LRRC4C: variants seen among roughly 807,000 people sequenced by gnomAD.
LRRC4C encodes the protein leucine-rich repeat-containing protein 4C.
In LRRC4C, 5 loss-of-function variants were observed where a neutral mutation model predicts 33.6. The observed-to-expected ratio is 0.15, with a 90% confidence interval of 0.08 to 0.31. LRRC4C has a LOEUF of 0.31. Ranked by LOEUF, LRRC4C falls within the 10% of genes least tolerant of loss-of-function variation. The pLI is 1.00. For missense variants in LRRC4C, 560 were observed against 796.7 expected, an observed-to-expected ratio of 0.70 and a Z score of 3.58; for synonymous variants, 329 against 302.0, an observed-to-expected ratio of 1.09 and a Z score of -0.93.
chr11:40,306,746 C>T (rs183871556), intron 4 of LRRC4C, among the ~76,000 whole-genome samples: 313 of 152,320 alleles, frequency 2.1e-3, no homozygotes, highest in African/African-American at 6.7e-3. Context: ...ATGATTGCCA[C>T]GCCCACGTTC....
Position 40,656,160 on chromosome 11 carries a change from T to C in LRRC4C, c.-406-7882A>G, listed in dbSNP as rs535964031. On this transcript the variant is annotated intron_variant, in intron 2 of 6. Coordinates refer to ENST00000528697, the MANE Select transcript of LRRC4C (RefSeq NM_001258419.2). The stretch of plus-strand genomic sequence containing the variant: ...TAGCAGTTTATAGTCCAGAATCTTT[T>C]AGACCCACATCCTTATGACTGCTAA... 3.3e-5 allele frequency among the ~76,000 whole-genome samples: 5 copies of C among 152,108 alleles called. No homozygotes were observed. In the East Asian group the frequency reaches 5.8e-4, roughly 18 times the overall value.
intron 1 of LRRC4C, among the ~76,000 whole-genome samples, chr11:41,182,783 C>T (rs115921835): frequency 4.0e-5 from 6 of 150,376 alleles, no homozygotes; most frequent in Admixed American, 3.3e-4. Context: ...GATGTATTTA[C>T]ATATTATTAC....
At chr11:40,345,031 A>G (rs764230776) in intron 3 of LRRC4C, among the ~76,000 whole-genome samples, 1 of 152,166 alleles carries the variant, frequency 6.6e-6, no homozygotes, top group African/African-American at 2.4e-5. Flanking sequence ...AAAACATTAC[A>G]TGCTCATAGG....
chr11:40,124,029 T>C, intron 6 of LRRC4C, among the ~76,000 whole-genome samples: 1 of 152,230 alleles, frequency 6.6e-6, no homozygotes, highest in Non-Finnish European at 1.5e-5. Flanking sequence ...GAAAACTGTA[T>C]GTCTATATGC....
At chr11:40,336,849 C>A (rs962710949) in intron 3 of LRRC4C, among the ~76,000 whole-genome samples, 9 of 150,426 alleles carry the variant, frequency 6.0e-5, no homozygotes, top group Admixed American at 5.3e-4. Flanking sequence ...TGGCGGGGGG[C>A]GCCTGTAGTC....
intron 3 of LRRC4C, among the ~76,000 whole-genome samples, chr11:40,544,285 G>C (rs1163847207): frequency 3.3e-5 from 5 of 152,064 alleles, no homozygotes; most frequent in Non-Finnish European, 5.9e-5. Context: ...ATACAGATGA[G>C]AGTAGATACT....
chr11:40,573,639 C>T (rs1285378306), intron 3 of LRRC4C, among the ~76,000 whole-genome samples: 1 of 152,128 alleles, frequency 6.6e-6, no homozygotes, highest in Non-Finnish European at 1.5e-5. Flanking sequence ...CAGTAAGTTC[C>T]ATAAACAATT....
intron 2 of LRRC4C, among the ~76,000 whole-genome samples, chr11:40,689,522 T>A (rs543506741): frequency 2.6e-5 from 4 of 152,244 alleles, no homozygotes; most frequent in African/African-American, 9.6e-5. Flanking sequence ...TTTATAACAA[T>A]CATGACTTAT....
intron 1 of LRRC4C, among the ~76,000 whole-genome samples, chr11:41,177,067 C>G (rs796665827): frequency 1.3e-5 from 2 of 152,084 alleles, no homozygotes; most frequent in Non-Finnish European, 2.9e-5. Flanking sequence ...CCAACTGATC[C>G]AGGACCTGAA....
chr11:41,197,749 A>T (rs1946241340), intron 1 of LRRC4C, among the ~76,000 whole-genome samples: 1 of 151,846 alleles, frequency 6.6e-6, no homozygotes, highest in East Asian at 1.9e-4. Flanking sequence ...TTCTCCTCAA[A>T]CTCCTTAAAA....
At chr11:41,176,066 T>C (rs1391192554) in intron 1 of LRRC4C, among the ~76,000 whole-genome samples, 1 of 152,188 alleles carries the variant, frequency 6.6e-6, no homozygotes, top group African/African-American at 2.4e-5. Context: ...ACTGTCCATC[T>C]TCGCCAACTA....
chr11:40,745,524 A>T (rs1427820490), intron 2 of LRRC4C, among the ~76,000 whole-genome samples: 2 of 152,220 alleles, frequency 1.3e-5, no homozygotes, highest in Non-Finnish European at 2.9e-5. Context: ...TAACGACTGA[A>T]TTAGCATAAA....
At chr11:40,734,604 A>T (rs947785767) in intron 2 of LRRC4C, among the ~76,000 whole-genome samples, 2 of 152,206 alleles carry the variant, frequency 1.3e-5, no homozygotes, top group Non-Finnish European at 2.9e-5. Context: ...GCACTAGTTG[A>T]TCTACCGTAA....
At chr11:40,214,159 G>T (rs1352735862) in intron 5 of LRRC4C, among the ~76,000 whole-genome samples, 1 of 152,100 alleles carries the variant, frequency 6.6e-6, no homozygotes, top group Non-Finnish European at 1.5e-5. Context: ...TTCTGGGAAG[G>T]CCTTTGAAAT....
At chr11:40,802,340 AT>A (rs749504856) in intron 2 of LRRC4C, among the ~76,000 whole-genome samples, 111 of 151,732 alleles carry the variant, frequency 7.3e-4, no homozygotes, top group Admixed American at 3.4e-3. Context: ...ATAAATGGTA[AT>A]TTTAAAAAAA....
chr11:41,232,428 A>C (rs1947843718), intron 1 of LRRC4C, among the ~76,000 whole-genome samples: 1 of 152,044 alleles, frequency 6.6e-6, no homozygotes, highest in East Asian at 1.9e-4. Flanking sequence ...TAACAATCAA[A>C]AATGCCTTCA....
At position 41,219,596 on chromosome 11, in the gene LRRC4C, A is replaced by G. The variant is rs544429302; in HGVS notation, c.-496+239835T>C. Among the ~76,000 whole-genome samples the G allele has an allele frequency of 2.6e-5, 4 of 152,232 alleles. No individual in the cohort carries two copies. In the South Asian group the frequency reaches 8.3e-4, roughly 32 times the overall value. On this transcript the variant is annotated intron_variant, in intron 1 of 6. Transcript: ENST00000528697. ...CTGAAGGAATTTCCATTTATTTGCT[A>G]TGGCACTTTTTCTTTTTTCTCTAGC... is the stretch of plus-strand genomic sequence containing the variant.
chr11:40,611,644 A>T (rs995179434), intron 3 of LRRC4C, among the ~76,000 whole-genome samples: 1 of 151,874 alleles, frequency 6.6e-6, no homozygotes, highest in African/African-American at 2.4e-5. Flanking sequence ...AAAGATACGT[A>T]AGAAACTCTT....
At chr11:40,927,360 A>T (rs1216228650) in intron 2 of LRRC4C, among the ~76,000 whole-genome samples, 1 of 151,926 alleles carries the variant, frequency 6.6e-6, no homozygotes, top group East Asian at 1.9e-4. Context: ...AACAATAAAG[A>T]CTGTGACTCA....
Sources: allele counts gnomAD v4.1 joint callset (sites outside exome capture counted in the v4.1 genomes callset), GRCh38; gene constraint gnomAD v4.1.1; transcripts MANE v1.5; gene names NCBI Gene and HGNC (gene_info 2026-07-23, HGNC 2026-07-21).